ZNRF2: variants seen among roughly 807,000 people sequenced by gnomAD.
ZNRF2 encodes the protein E3 ubiquitin-protein ligase ZNRF2.
ZNRF2 carries 16 observed loss-of-function variants against 20.4 expected under a neutral mutation model. That is an observed-to-expected ratio of 0.79 (90% confidence interval 0.53 to 1.19). The LOEUF is 1.19. Among genes scored for constraint, ZNRF2 ranks in the 50% most tolerant of loss-of-function variants. The pLI, the probability that ZNRF2 is intolerant of heterozygous loss-of-function variation, is 0.00. For synonymous variants in ZNRF2, 178 were observed against 144.9 expected, an observed-to-expected ratio of 1.23 and a Z score of -1.64; for missense variants, 363 against 332.4, an observed-to-expected ratio of 1.09 and a Z score of -0.72.
chr7:30,365,147 C>CTT lies in ZNRF2; in HGVS notation c.*23-864_*23-863dup, dbSNP rs533354831. Among the ~76,000 whole-genome samples the CTT allele has an allele frequency of 4.4e-3, 312 of 70,214 alleles. 1 individual carries two copies. The highest frequency in any genetic ancestry group is 5.2e-3 in the African/African-American group (84 of 16,270). The allele number at this position is 70,214 out of a possible 152,430, so 46.1% of individuals were successfully genotyped here. A position where few individuals can be genotyped will look rare whatever the true frequency, so the allele number is the denominator to read the frequency against. ...ACATTTAGACCATAGAGCTGATAAG[C>CTT]TTTTTTTTTTTTTTTTTTTTTTTTT... On this transcript the variant is annotated intron_variant, in intron 4 of 4. Transcript: ENST00000323037.
chr7:30,325,492 A>G (rs956994180), intron 2 of ZNRF2, among the ~76,000 whole-genome samples: 11 of 152,204 alleles, frequency 7.2e-5, no homozygotes, highest in Admixed American at 6.5e-5. Flanking sequence ...AAAAGGTTCT[A>G]TGAAAAACTT....
At chr7:30,329,081 G>A (rs1479961365) in intron 2 of ZNRF2, among the ~76,000 whole-genome samples, 1 of 151,906 alleles carries the variant, frequency 6.6e-6, no homozygotes, top group African/African-American at 2.4e-5. Context: ...TCATTTCCTT[G>A]CTCCTTCTAG....
chr7:30,299,780 T>G (rs923695998), intron 1 of ZNRF2, among the ~76,000 whole-genome samples: 1 of 149,250 alleles, frequency 6.7e-6, no homozygotes, highest in South Asian at 2.1e-4. Flanking sequence ...AACCTGCTTT[T>G]TTTTTTTTTT....
At position 30,285,033 on chromosome 7, in the gene ZNRF2, A is replaced by C. The variant is rs1247776904; in HGVS notation, c.-325A>C. 1 of 405,022 alleles carries C rather than the reference A, an allele frequency of 2.5e-6. No homozygotes were observed. Among genetic ancestry groups the C allele is most frequent in the Non-Finnish European group, 4.9e-6 (1 of 205,414 alleles). 25.1% of individuals were successfully genotyped at this position (405,022 alleles called of 1,614,324 possible). On this transcript the variant is annotated 5_prime_UTR_variant, in exon 1 of 5. Transcript: ENST00000323037. ...GTAGCGGCCCGTCGTGGCGCACCAGAACCGAAACCAGCGGCAGCCGCACGG... is the reference window on the plus strand; with the variant it reads ...GTAGCGGCCCGTCGTGGCGCACCAGCACCGAAACCAGCGGCAGCCGCACGG...
intron 2 of ZNRF2, among the ~76,000 whole-genome samples, chr7:30,350,550 C>A (rs1015324453): frequency 1.3e-5 from 2 of 151,976 alleles, no homozygotes; most frequent in Non-Finnish European, 2.9e-5. Context: ...TGTTAAATAT[C>A]ATTTCTAAGC....
At chr7:30,302,612 A>G (rs1317438835) in intron 1 of ZNRF2, among the ~76,000 whole-genome samples, 1 of 152,224 alleles carries the variant, frequency 6.6e-6, no homozygotes, top group East Asian at 1.9e-4. Context: ...GGTAATATCC[A>G]TACACTAAAA....
At chr7:30,359,901 A>C (rs1800100493) in intron 3 of ZNRF2, among the ~76,000 whole-genome samples, 1 of 152,238 alleles carries the variant, frequency 6.6e-6, no homozygotes, top group Admixed American at 6.5e-5. Flanking sequence ...AGTTTTGTGG[A>C]AAGCAGTGTT....
chr7:30,321,042 G>A (rs765372567), intron 1 of ZNRF2, among the ~76,000 whole-genome samples: 6 of 152,128 alleles, frequency 3.9e-5, no homozygotes, highest in Non-Finnish European at 7.4e-5. Flanking sequence ...GCCTTTTTCA[G>A]TTCGGAGATC....
chr7:30,334,435 C>G (rs1447408973), intron 2 of ZNRF2, among the ~76,000 whole-genome samples: 1 of 152,142 alleles, frequency 6.6e-6, no homozygotes, highest in Non-Finnish European at 1.5e-5. Flanking sequence ...TGTGATGCCT[C>G]TGGCATTGTT....
intron 1 of ZNRF2, among the ~76,000 whole-genome samples, chr7:30,305,394 T>C (rs1799184116): frequency 6.6e-6 from 1 of 152,194 alleles, no homozygotes; most frequent in Non-Finnish European, 1.5e-5. Flanking sequence ...TTTACTCATG[T>C]TTTAAAAGAT....
chr7:30,354,929 A>T (rs1488263827), intron 2 of ZNRF2, among the ~76,000 whole-genome samples: 1 of 152,234 alleles, frequency 6.6e-6, no homozygotes, highest in Non-Finnish European at 1.5e-5. Flanking sequence ...ATTTAGCATT[A>T]GAATATAATT....
chr7:30,291,884 GGAA>G (rs1223260812), intron 1 of ZNRF2, among the ~76,000 whole-genome samples: 4 of 152,048 alleles, frequency 2.6e-5, no homozygotes, highest in African/African-American at 9.7e-5. Context: ...GACAGGGAGA[GGAA>G]GAGGCCAGCA....
chr7:30,343,473 C>T (rs1799828608), intron 2 of ZNRF2, among the ~76,000 whole-genome samples: 1 of 151,902 alleles, frequency 6.6e-6, no homozygotes, highest in Non-Finnish European at 1.5e-5. Flanking sequence ...ACTCATGTTT[C>T]TGTTTTTCTC....
chr7:30,362,545 G>A, intron 4 of ZNRF2, 89 bp downstream of exon 4: 2 of 683,012 alleles, frequency 2.9e-6, no homozygotes, highest in Non-Finnish European at 4.9e-6. Flanking sequence ...ACTCATTGAG[G>A]TGCATGAGTG....
intron 2 of ZNRF2, among the ~76,000 whole-genome samples, chr7:30,334,818 T>C (rs989412476): frequency 3.3e-5 from 5 of 152,180 alleles, no homozygotes; most frequent in Non-Finnish European, 5.9e-5. Flanking sequence ...TTATAAGCAA[T>C]GTGGTGGCCT....
intron 4 of ZNRF2, among the ~76,000 whole-genome samples, chr7:30,362,941 AC>A (rs1485189467): frequency 6.6e-6 from 1 of 151,496 alleles, no homozygotes; most frequent in Admixed American, 6.6e-5. Context: ...ACACGGTGAA[AC>A]CCCGTCTCTA....
chr7:30,348,878 A>C (rs187373157), intron 2 of ZNRF2, among the ~76,000 whole-genome samples: 2 of 152,298 alleles, frequency 1.3e-5, no homozygotes, highest in East Asian at 1.9e-4. Flanking sequence ...CCTCTAGAAG[A>C]AGCAGAAGAG....
chr7:30,299,718 T>C (rs76479454), intron 1 of ZNRF2, among the ~76,000 whole-genome samples: 2,270 of 152,152 alleles, frequency 0.015, 61 homozygotes, highest in African/African-American at 0.051. Context: ...GTATGTGATT[T>C]TGTGATGGAG....
intron 2 of ZNRF2, among the ~76,000 whole-genome samples, chr7:30,324,670 A>G (rs1799525605): frequency 6.6e-6 from 1 of 152,192 alleles, no homozygotes; most frequent in Admixed American, 6.5e-5. Context: ...CACTTCTCCT[A>G]CTGTACAAGA....
Sources: gnomAD v4.1 joint callset for allele counts (sites outside exome capture counted in the v4.1 genomes callset) on GRCh38, gnomAD v4.1.1 for gene constraint, MANE v1.5 for transcripts, NCBI Gene and HGNC (gene_info 2026-07-23, HGNC 2026-07-21) for gene names.